RPS6KC1: variants seen among roughly 807,000 people sequenced by gnomAD.
RPS6KC1 encodes the protein inactive ribosomal protein S6 kinase delta-1.
Under a neutral mutation model 103.8 loss-of-function variants are expected in RPS6KC1, and 54 were observed. That is an observed-to-expected ratio of 0.52 (90% CI 0.42 to 0.65). The LOEUF (loss-of-function observed/expected upper bound fraction) is 0.65, where lower values mean the gene tolerates loss of function less well. RPS6KC1 is among the 30% of genes least tolerant of loss of function. RPS6KC1 has a pLI of 0.00. For synonymous variants in RPS6KC1, 439 were observed against 438.7 expected (o/e 1.00, Z -0.01); for missense variants, 1,151 against 1,253.8 (o/e 0.92, Z 1.24).
In RPS6KC1 at chr1:213,164,726, C is replaced by G. The variant is rs115161198; in HGVS notation, c.836-3132C>G. 4.2e-3 allele frequency among the ~76,000 whole-genome samples: 640 copies of G among 152,210 alleles called. 2 individuals are homozygous for G. Among genetic ancestry groups the G allele is most frequent in the African/African-American group, 0.015 (604 of 41,516 alleles). On this transcript the variant is annotated intron_variant, in intron 6 of 14. Transcript: ENST00000366960. Reference sequence around the variant, plus strand: ...CACAGGTGCGCACCAACACGCCTGGCTGACTTTTGTATTTTCAATAGAGAC... The same window carrying G: ...CACAGGTGCGCACCAACACGCCTGGGTGACTTTTGTATTTTCAATAGAGAC...
At chr1:213,249,987 G>T (rs1444408615) in intron 12 of RPS6KC1, among the ~76,000 whole-genome samples, 2 of 152,158 alleles carry the variant, frequency 1.3e-5, no homozygotes, top group Non-Finnish European at 2.9e-5. Flanking sequence ...TCAGAGCTAG[G>T]TAGTGGGAGA....
the RPS6KC1 span, among the ~76,000 whole-genome samples, chr1:213,356,800 G>T: frequency 2.6e-5 from 4 of 152,214 alleles, no homozygotes; most frequent in Non-Finnish European, 5.9e-5. Flanking sequence ...TCAGCCTGGG[G>T]TGGCCTGCTT....
At chr1:213,155,378 C>T (rs1429188577) in intron 6 of RPS6KC1, among the ~76,000 whole-genome samples, 1 of 152,200 alleles carries the variant, frequency 6.6e-6, no homozygotes, top group Non-Finnish European at 1.5e-5. Flanking sequence ...TACTTGGAGA[C>T]ACAGAGTGCT....
intron 6 of RPS6KC1, among the ~76,000 whole-genome samples, chr1:213,153,059 G>A (rs1322348360): frequency 1.3e-5 from 2 of 152,234 alleles, no homozygotes; most frequent in East Asian, 1.9e-4. Flanking sequence ...CCAACACAGC[G>A]AAACCCCGTC....
At chr1:213,246,213 A>T (rs552335888) in intron 12 of RPS6KC1, among the ~76,000 whole-genome samples, 2 of 152,122 alleles carry the variant, frequency 1.3e-5, no homozygotes, top group African/African-American at 4.8e-5. Context: ...ATTATCTAGG[A>T]TGATTCTCTA....
chr1:213,658,833 C>T, the RPS6KC1 span, among the ~76,000 whole-genome samples: 1 of 152,210 alleles, frequency 6.6e-6, no homozygotes, highest in African/African-American at 2.4e-5. Context: ...CTCTCCATTG[C>T]TTTTGTTCAC....
At chr1:213,682,841 T>C in the RPS6KC1 span, among the ~76,000 whole-genome samples, 1 of 152,250 alleles carries the variant, frequency 6.6e-6, no homozygotes, top group Admixed American at 6.5e-5. Flanking sequence ...CATTTTGGTA[T>C]ATAATCTTCC....
At chr1:213,654,972 C>T in the RPS6KC1 span, among the ~76,000 whole-genome samples, 1,414 of 152,336 alleles carry the variant, frequency 9.3e-3, 19 homozygotes, top group African/African-American at 0.031. Flanking sequence ...CTCTAACTAA[C>T]TGCCCAAGTG....
the RPS6KC1 span, among the ~76,000 whole-genome samples, chr1:213,710,715 G>A: frequency 6.6e-6 from 1 of 152,238 alleles, no homozygotes; most frequent in East Asian, 1.9e-4. Context: ...GCCTGGTGGT[G>A]ACAAAAATCC....
At chr1:213,537,947 G>A in the RPS6KC1 span, among the ~76,000 whole-genome samples, 1 of 152,162 alleles carries the variant, frequency 6.6e-6, no homozygotes. Flanking sequence ...AGAATAATAA[G>A]GCAGGGACCT....
the RPS6KC1 span, among the ~76,000 whole-genome samples, chr1:213,375,064 C>G: frequency 6.6e-5 from 10 of 151,556 alleles, no homozygotes; most frequent in Non-Finnish European, 1.5e-4. Context: ...TACACACATA[C>G]ACACACATAC....
chr1:213,842,774 T>C, the RPS6KC1 span, among the ~76,000 whole-genome samples: 1 of 152,240 alleles, frequency 6.6e-6, no homozygotes, highest in East Asian at 1.9e-4. Flanking sequence ...TGATAAACTC[T>C]TTAATCAATT....
At chr1:213,739,942 G>T in the RPS6KC1 span, among the ~76,000 whole-genome samples, 1 of 152,116 alleles carries the variant, frequency 6.6e-6, no homozygotes, top group Non-Finnish European at 1.5e-5. Context: ...AAAATTAATT[G>T]TGCCTGAGGA....
the RPS6KC1 span, among the ~76,000 whole-genome samples, chr1:213,822,619 C>T: frequency 2.6e-5 from 4 of 152,330 alleles, no homozygotes; most frequent in South Asian, 8.3e-4. Flanking sequence ...CAGAGTAGGA[C>T]TCTAGACTTC....
At chr1:213,551,909 C>T in the RPS6KC1 span, among the ~76,000 whole-genome samples, 7 of 152,178 alleles carry the variant, frequency 4.6e-5, no homozygotes, top group Admixed American at 3.3e-4. Flanking sequence ...TTATTGTCTC[C>T]ATAGTTATGC....
chr1:213,216,876 G>C (rs1356834322), intron 8 of RPS6KC1, among the ~76,000 whole-genome samples: 1 of 152,094 alleles, frequency 6.6e-6, no homozygotes, highest in Non-Finnish European at 1.5e-5. Flanking sequence ...AAAGCAGTGT[G>C]TAGAGGGAAA....
chr1:213,559,474 T>C, the RPS6KC1 span, among the ~76,000 whole-genome samples: 3 of 152,166 alleles, frequency 2.0e-5, no homozygotes, highest in Non-Finnish European at 4.4e-5. Flanking sequence ...AATTGGCAAA[T>C]GAGCCAGTTG....
chr1:213,786,396 C>T, the RPS6KC1 span, among the ~76,000 whole-genome samples: 1 of 151,984 alleles, frequency 6.6e-6, no homozygotes, highest in East Asian at 1.9e-4. Flanking sequence ...CTCTGTAGTC[C>T]CCACTGTCAA....
At chr1:213,132,496 A>T (rs1226404723) in intron 6 of RPS6KC1, among the ~76,000 whole-genome samples, 1 of 152,226 alleles carries the variant, frequency 6.6e-6, no homozygotes, top group Non-Finnish European at 1.5e-5. Flanking sequence ...CAGTGCTTCC[A>T]GTCCATGGAT....
Sources: gnomAD v4.1 joint callset for allele counts (sites outside exome capture counted in the v4.1 genomes callset) on GRCh38, gnomAD v4.1.1 for gene constraint, MANE v1.5 for transcripts, NCBI Gene and HGNC (gene_info 2026-07-23, HGNC 2026-07-21) for gene names.